The following PRKG1 variants were observed in gnomAD, a reference collection of about 807,000 sequenced individuals.
PRKG1 encodes the protein cGMP-dependent protein kinase 1.
A neutral mutation model predicts 88.1 loss-of-function variants in PRKG1; 35 were observed. The observed-to-expected ratio is 0.40, with a 90% CI of 0.30 to 0.53. PRKG1 has a LOEUF of 0.53. Ranked by LOEUF, PRKG1 falls within the 20% of genes least tolerant of loss-of-function variation. PRKG1 has a pLI of 0.59. For missense variants in PRKG1, 540 were observed against 839.8 expected, an observed-to-expected ratio of 0.64 and a Z score of 4.41; for synonymous variants, 303 against 292.5, an observed-to-expected ratio of 1.04 and a Z score of -0.37.
At chr10:51,417,678 C>T (rs971568343) in intron 2 of PRKG1, among the ~76,000 whole-genome samples, 6 of 152,060 alleles carry the variant, frequency 3.9e-5, no homozygotes, top group Non-Finnish European at 8.8e-5. Context: ...CTTCTTAGTT[C>T]ATTGTTTTCT....
intron 3 of PRKG1, among the ~76,000 whole-genome samples, chr10:51,644,141 G>A (rs1280587327): frequency 6.6e-6 from 1 of 152,116 alleles, no homozygotes; most frequent in Non-Finnish European, 1.5e-5. Context: ...AGAATTTTGA[G>A]TCAGGGTTCA....
chr10:51,286,607 A>G (rs1474307436), intron 2 of PRKG1, among the ~76,000 whole-genome samples: 1 of 152,206 alleles, frequency 6.6e-6, no homozygotes, highest in Admixed American at 6.5e-5. Flanking sequence ...TACAGTTATT[A>G]TAATTGTACT....
chr10:51,551,846 T>C (rs578226074), intron 3 of PRKG1, among the ~76,000 whole-genome samples: 1 of 151,860 alleles, frequency 6.6e-6, no homozygotes, highest in Non-Finnish European at 1.5e-5. Flanking sequence ...AGACTAACCA[T>C]AGTAAAAGCT....
At chr10:51,857,937 A>G (rs894789050) in intron 4 of PRKG1, among the ~76,000 whole-genome samples, 3 of 150,164 alleles carry the variant, frequency 2.0e-5, no homozygotes, top group African/African-American at 7.4e-5. Flanking sequence ...GGAAAAATAA[A>G]ATGTATGGAT....
At chr10:51,407,463 G>A (rs1390370374) in intron 2 of PRKG1, among the ~76,000 whole-genome samples, 1 of 152,078 alleles carries the variant, frequency 6.6e-6, no homozygotes, top group South Asian at 2.1e-4. Flanking sequence ...ATAAAATGAA[G>A]ATATTTTCTT....
intron 2 of PRKG1, chr10:51,320,695 C>T (rs1297755641): frequency 6.6e-6 from 1 of 152,242 alleles, no homozygotes; most frequent in Non-Finnish European, 1.5e-5. Flanking sequence ...GGCCTCTTCT[C>T]TCACCAACAT....
intron 3 of PRKG1, among the ~76,000 whole-genome samples, chr10:51,790,934 T>A (rs1424495074): frequency 6.6e-6 from 1 of 152,188 alleles, no homozygotes; most frequent in African/African-American, 2.4e-5. Context: ...TTAGTTGGTC[T>A]ACTTGAACAC....
chr10:51,584,766 C>T (rs1413098409), intron 3 of PRKG1, among the ~76,000 whole-genome samples: 1 of 152,012 alleles, frequency 6.6e-6, no homozygotes, highest in African/African-American at 2.4e-5. Context: ...AATTGAGGCT[C>T]AGAGAAGGGA....
chr10:51,495,508 G>T (rs181110782), intron 3 of PRKG1, among the ~76,000 whole-genome samples: 1 of 152,128 alleles, frequency 6.6e-6, no homozygotes, highest in African/African-American at 2.4e-5. Flanking sequence ...TCCATATAGC[G>T]CAAGAACTTC....
chr10:51,875,818 A>G (rs1841283944), intron 4 of PRKG1, among the ~76,000 whole-genome samples: 1 of 152,146 alleles, frequency 6.6e-6, no homozygotes, highest in African/African-American at 2.4e-5. Flanking sequence ...GAATGGTGCC[A>G]CCTGGAGTTC....
intron 9 of PRKG1, among the ~76,000 whole-genome samples, chr10:52,207,598 T>A (rs1839854834): frequency 6.6e-6 from 1 of 152,128 alleles, no homozygotes; most frequent in South Asian, 2.1e-4. Flanking sequence ...ACCTTGAAGC[T>A]CCACATAGGC....
chr10:51,674,372 CTG>C (rs1269788058), intron 3 of PRKG1, among the ~76,000 whole-genome samples: 1 of 152,036 alleles, frequency 6.6e-6, no homozygotes, highest in Admixed American at 6.6e-5. Flanking sequence ...GTTCCCCTCC[CTG>C]TGTCTATGTG....
intron 5 of PRKG1, among the ~76,000 whole-genome samples, chr10:52,053,473 A>G (rs1462957780): frequency 6.6e-6 from 1 of 152,150 alleles, no homozygotes; most frequent in Non-Finnish European, 1.5e-5. Context: ...TAAACCACGA[A>G]TTCTGTTTTG....
intron 2 of PRKG1, among the ~76,000 whole-genome samples, chr10:51,176,829 GCACTACATA>G (rs1837206982): frequency 6.6e-6 from 1 of 152,114 alleles, no homozygotes; most frequent in Non-Finnish European, 1.5e-5. Context: ...GACACTAAAT[GCACTACATA>G]CTATCAAATT....
intron 4 of PRKG1, among the ~76,000 whole-genome samples, chr10:51,872,931 G>A (rs1695725890): frequency 6.6e-6 from 1 of 151,924 alleles, no homozygotes; most frequent in African/African-American, 2.4e-5. Flanking sequence ...AAAATAAATT[G>A]AAAAATAAAA....
At chr10:51,895,721 T>A (rs985757337) in intron 4 of PRKG1, among the ~76,000 whole-genome samples, 4 of 152,136 alleles carry the variant, frequency 2.6e-5, no homozygotes, top group African/African-American at 4.8e-5. Flanking sequence ...GGGTTTTTGG[T>A]CAATACTAGA....
intron 9 of PRKG1, among the ~76,000 whole-genome samples, chr10:52,176,142 C>G (rs1430671456): frequency 7.8e-6 from 1 of 128,838 alleles, no homozygotes; most frequent in Admixed American, 7.5e-5. Flanking sequence ...ACATTTCGAT[C>G]TTTGATCGAT....
intron 1 of PRKG1, among the ~76,000 whole-genome samples, chr10:51,031,740 G>A (rs1366107878): frequency 6.6e-6 from 1 of 152,144 alleles, no homozygotes; most frequent in African/African-American, 2.4e-5. Flanking sequence ...CAAAATGCAA[G>A]TCCACCTGAT....
At chr10:51,392,494 A>G (rs1837432897) in intron 2 of PRKG1, among the ~76,000 whole-genome samples, 1 of 152,076 alleles carries the variant, frequency 6.6e-6, no homozygotes. Flanking sequence ...AATTTTTCTT[A>G]GTACAGAACA....
Sources: gnomAD v4.1 joint callset for allele counts (sites outside exome capture counted in the v4.1 genomes callset) on GRCh38, gnomAD v4.1.1 for gene constraint, MANE v1.5 for transcripts, NCBI Gene and HGNC (gene_info 2026-07-23, HGNC 2026-07-21) for gene names.